Variants in CDH6 observed in about 807,000 individuals in gnomAD.
CDH6 encodes cadherin 6, also known as cadherin-6.
In CDH6, 31 loss-of-function variants were observed where a neutral mutation model predicts 78.0. The observed-to-expected ratio is 0.40, with a 90% CI of 0.30 to 0.54. The LOEUF (loss-of-function observed/expected upper bound fraction) is 0.54. Among genes scored for constraint, CDH6 ranks in the 20% least tolerant of loss-of-function variants. The pLI, the probability that CDH6 is intolerant of heterozygous loss-of-function variation, is 0.56. For synonymous variants in CDH6, 376 were observed against 368.8 expected (o/e 1.02, Z -0.23); for missense variants, 724 against 975.9 (o/e 0.74, Z 3.44).
chr5:31,305,134 C>T (rs1455733785), intron 6 of CDH6, 40 bp from the exon 7 acceptor site: 1 of 1,581,426 alleles, frequency 6.3e-7, no homozygotes. Flanking sequence ...GTCTTGGCTG[C>T]TTTAAATATG....
intron 1 of CDH6, among the ~76,000 whole-genome samples, chr5:31,219,353 A>C (rs1740948226): frequency 6.6e-6 from 1 of 152,168 alleles, no homozygotes; most frequent in Non-Finnish European, 1.5e-5. Context: ...ACACATACAC[A>C]CAGCCACACA....
At chr5:31,246,748 CTGT>C (rs775227011) in intron 1 of CDH6, among the ~76,000 whole-genome samples, 2 of 151,888 alleles carry the variant, frequency 1.3e-5, no homozygotes, top group Non-Finnish European at 1.5e-5. Context: ...GTTTTTTGTT[CTGT>C]TGTTTTGTTT....
intron 4 of CDH6, among the ~76,000 whole-genome samples, chr5:31,298,286 T>C (rs144369273): frequency 3.5e-4 from 54 of 152,330 alleles, no homozygotes; most frequent in Admixed American, 1.9e-3. Flanking sequence ...TTATTCTTAG[T>C]AGAAATCAAA....
chr5:31,293,277 G>A (rs1364254840), intron 2 of CDH6, among the ~76,000 whole-genome samples: 1 of 152,076 alleles, frequency 6.6e-6, no homozygotes, highest in Non-Finnish European at 1.5e-5. Flanking sequence ...ATTGTTCCAA[G>A]TGACCTGTAA....
intron 1 of CDH6, among the ~76,000 whole-genome samples, chr5:31,195,324 T>C (rs1740133059): frequency 6.6e-6 from 1 of 152,138 alleles, no homozygotes. Flanking sequence ...CTCCTCCCTG[T>C]GTTGGAAAAA....
intron 2 of CDH6, among the ~76,000 whole-genome samples, chr5:31,276,805 G>A (rs1250644733): frequency 6.6e-6 from 1 of 152,174 alleles, no homozygotes; most frequent in Admixed American, 6.5e-5. Context: ...TTCCTCAACT[G>A]TTAAATGAAA....
At chr5:31,305,083 A>T in intron 6 of CDH6, 91 bp from the exon 7 acceptor site, 1 of 1,258,330 alleles carries the variant, frequency 7.9e-7, no homozygotes, top group Non-Finnish European at 1.1e-6. Context: ...TTCATTTATC[A>T]GTGGTTTACA....
chr5:31,208,720 A>T (rs976277008), intron 1 of CDH6, among the ~76,000 whole-genome samples: 1 of 152,210 alleles, frequency 6.6e-6, no homozygotes, highest in Admixed American at 6.5e-5. Flanking sequence ...TACAAAAAAA[A>T]CTATGGAAAA....
chr5:31,278,914 C>T (rs34767607), intron 2 of CDH6, among the ~76,000 whole-genome samples: 6,912 of 152,204 alleles, frequency 0.045, 273 homozygotes, highest in Non-Finnish European at 0.07. Context: ...AAAGCTTTAG[C>T]ATGCTGGATT....
chr5:31,315,715 C>T (rs376381710), intron 8 of CDH6, among the ~76,000 whole-genome samples: 6 of 152,204 alleles, frequency 3.9e-5, no homozygotes, highest in African/African-American at 1.4e-4. Context: ...GGGGCAGTAC[C>T]TCTGTCTACC....
chr5:31,204,566 T>A (rs1740460880), intron 1 of CDH6, among the ~76,000 whole-genome samples: 1 of 152,206 alleles, frequency 6.6e-6, no homozygotes, highest in Non-Finnish European at 1.5e-5. Flanking sequence ...GAATAAAAAG[T>A]TGGCTTTGCA....
In CDH6 at chr5:31,240,529, C is replaced by G. The variant is rs568734834; in HGVS notation, c.-128-26817C>G. ...TTGAAGCAGAAAATATGAGGCCAAA[C>G]CAGTGACACCATCATCCTGCACCTC... is the stretch of plus-strand genomic sequence containing the variant. On this transcript the variant is annotated intron_variant, in intron 1 of 11. Coordinates refer to ENST00000265071, the MANE Select transcript of CDH6 (RefSeq NM_004932.4). Among the ~76,000 whole-genome samples the G allele has an allele frequency of 3.3e-5, 5 of 152,242 alleles. No individual in the cohort carries two copies. In the South Asian group the frequency reaches 1.0e-3, roughly 32 times the overall value.
chr5:31,202,713 G>A lies in CDH6; in HGVS notation c.-129+8827G>A, dbSNP rs532750893. 5.7e-4 allele frequency among the ~76,000 whole-genome samples: 85 copies of A among 149,594 alleles called. No individual in the cohort carries two copies. The South Asian group carries it at 7.6e-3, about 13-fold the overall frequency. On this transcript the variant is annotated intron_variant, in intron 1 of 11. Transcript: ENST00000265071. The stretch of plus-strand genomic sequence containing the variant: ...TATATACACATATATACATACATGC[G>A]TATATATGTTACATATATACATATA...
At chr5:31,217,487 CTATATTAT>C (rs1177868655) in intron 1 of CDH6, among the ~76,000 whole-genome samples, 3 of 152,090 alleles carry the variant, frequency 2.0e-5, no homozygotes, top group Admixed American at 6.6e-5. Flanking sequence ...AAACCTGGAC[CTATATTAT>C]TTCAAAATAA....
intron 2 of CDH6, among the ~76,000 whole-genome samples, chr5:31,291,896 T>C (rs1352566898): frequency 6.6e-6 from 1 of 152,222 alleles, no homozygotes; most frequent in Non-Finnish European, 1.5e-5. Flanking sequence ...TTCGAATTTA[T>C]CTTCCATTAT....
chr5:31,314,533 T>G (rs1738250888), intron 8 of CDH6, among the ~76,000 whole-genome samples: 1 of 151,884 alleles, frequency 6.6e-6, no homozygotes, highest in African/African-American at 2.4e-5. Context: ...TTTGGTAGAA[T>G]AGTAACCAAT....
intron 1 of CDH6, among the ~76,000 whole-genome samples, chr5:31,209,048 G>T (rs1740618462): frequency 1.3e-5 from 2 of 152,214 alleles, no homozygotes; most frequent in South Asian, 4.1e-4. Context: ...AGGTCTGGAT[G>T]ATTTCCCTTA....
At chr5:31,200,666 G>A (rs1292521839) in intron 1 of CDH6, among the ~76,000 whole-genome samples, 4 of 150,908 alleles carry the variant, frequency 2.7e-5, no homozygotes. Flanking sequence ...GAGGGAGGGA[G>A]GAAAGGAGAA....
chr5:31,282,150 G>A (rs11948308), intron 2 of CDH6, among the ~76,000 whole-genome samples: 3,619 of 152,230 alleles, frequency 0.024, 150 homozygotes, highest in African/African-American at 0.083. Context: ...GCTGTAACAA[G>A]TCACCACAGA....
Sources: allele counts gnomAD v4.1 joint callset (sites outside exome capture counted in the v4.1 genomes callset), GRCh38; gene constraint gnomAD v4.1.1; transcripts MANE v1.5; gene names NCBI Gene and HGNC (gene_info 2026-07-23, HGNC 2026-07-21).